TNR: variants seen among roughly 807,000 people sequenced by gnomAD.
TNR encodes tenascin-R.
Under a neutral mutation model 150.4 loss-of-function variants are expected in TNR, and 45 were observed. The observed-to-expected ratio is 0.30, with a 90% CI of 0.24 to 0.38. The LOEUF (loss-of-function observed/expected upper bound fraction) is 0.38. Ranked by LOEUF, TNR falls within the 10% of genes least tolerant of loss-of-function variation. The probability of loss-of-function intolerance (pLI) is 1.00; values close to 1 mark genes in which losing one functional copy is unlikely to be tolerated. For synonymous variants in TNR, 687 were observed against 678.4 expected (o/e 1.01, Z -0.20); for missense variants, 1,544 against 1,759.1 (o/e 0.88, Z 2.19).
intron 5 of TNR, among the ~76,000 whole-genome samples, chr1:175,396,182 A>C (rs1653417546): frequency 6.6e-6 from 1 of 152,202 alleles, no homozygotes; most frequent in African/African-American, 2.4e-5. Context: ...TAGAGGTCCT[A>C]GTTCATATCT....
rs537176473 is a variant in TNR at position 175,357,957 on chromosome 1, C to T, written c.2975-1495G>A. 9.8e-5 allele frequency among the ~76,000 whole-genome samples: 15 copies of T among 152,314 alleles called. No homozygotes were observed. The East Asian group carries it at 2.1e-3, about 22-fold the overall frequency. ...TCTGTTAGAGCTGTGTGTTTAGTGT[C>T]TGTGAGCAGATGTGTCTGACTGCCT... On this transcript the variant is annotated intron_variant, in intron 15 of 22. Coordinates refer to ENST00000367674, the MANE Select transcript of TNR (RefSeq NM_003285.3).
intron 2 of TNR, among the ~76,000 whole-genome samples, chr1:175,492,647 A>G (rs1203559708): frequency 6.6e-6 from 1 of 152,126 alleles, no homozygotes; most frequent in East Asian, 1.9e-4. Context: ...TCAAAACTAT[A>G]TCTATGGATA....
chr1:175,569,082 G>A (rs1428667925), intron 1 of TNR, among the ~76,000 whole-genome samples: 1 of 152,172 alleles, frequency 6.6e-6, no homozygotes, highest in African/African-American at 2.4e-5. Context: ...AAGTGAGGAT[G>A]AGAGAAGGCA....
chr1:175,696,080 A>G (rs1470065718), intron 1 of TNR, among the ~76,000 whole-genome samples: 1 of 152,152 alleles, frequency 6.6e-6, no homozygotes. Flanking sequence ...TTGTGCTTCT[A>G]TTTAGTCTCC....
chr1:175,531,247 C>T (rs1660055469), intron 1 of TNR, among the ~76,000 whole-genome samples: 2 of 152,190 alleles, frequency 1.3e-5, no homozygotes, highest in Non-Finnish European at 1.5e-5. Context: ...TGAAGCTCAT[C>T]GTGAACCCCA....
At chr1:175,444,291 C>T (rs1051422900) in intron 2 of TNR, among the ~76,000 whole-genome samples, 1 of 152,126 alleles carries the variant, frequency 6.6e-6, no homozygotes, top group Non-Finnish European at 1.5e-5. Context: ...CTCTTGATTT[C>T]GTGACCGAGA....
At chr1:175,461,539 T>G (rs183575464) in intron 2 of TNR, among the ~76,000 whole-genome samples, 1 of 152,324 alleles carries the variant, frequency 6.6e-6, no homozygotes, top group East Asian at 1.9e-4. Context: ...CCAAGGAACT[T>G]TCCATGAAAG....
At chr1:175,567,835 C>T (rs1300869268) in intron 1 of TNR, among the ~76,000 whole-genome samples, 3 of 151,924 alleles carry the variant, frequency 2.0e-5, no homozygotes, top group Admixed American at 1.3e-4. Context: ...GTGGGATGGA[C>T]GTTCTTAATG....
At chr1:175,357,499 C>A (rs1651387101) in intron 15 of TNR, among the ~76,000 whole-genome samples, 1 of 152,174 alleles carries the variant, frequency 6.6e-6, no homozygotes, top group Non-Finnish European at 1.5e-5. Flanking sequence ...ATAAGGATAT[C>A]ATCTTTTTAA....
At chr1:175,488,016 T>G (rs1318270992) in intron 2 of TNR, among the ~76,000 whole-genome samples, 3 of 152,162 alleles carry the variant, frequency 2.0e-5, no homozygotes, top group African/African-American at 7.2e-5. Flanking sequence ...TTTTCTGGCA[T>G]GCATAAGGGT....
intron 1 of TNR, among the ~76,000 whole-genome samples, chr1:175,713,336 C>A (rs1325788513): frequency 1.3e-5 from 2 of 152,220 alleles, no homozygotes; most frequent in South Asian, 2.1e-4. Context: ...ATAAACAACA[C>A]TCTTGCCCCT....
chr1:175,678,174 T>C (rs1665920176), intron 1 of TNR, among the ~76,000 whole-genome samples: 1 of 152,232 alleles, frequency 6.6e-6, no homozygotes. Flanking sequence ...TCAGCCATCC[T>C]AGAAACAGCA....
chr1:175,527,217 C>T (rs150213332), intron 2 of TNR, among the ~76,000 whole-genome samples: 29 of 152,294 alleles, frequency 1.9e-4, no homozygotes, highest in African/African-American at 7.0e-4. Flanking sequence ...TTAACCAATT[C>T]TCCCTTAAGT....
chr1:175,397,925 T>C (rs749317453), intron 4 of TNR, among the ~76,000 whole-genome samples: 2 of 152,228 alleles, frequency 1.3e-5, no homozygotes, highest in African/African-American at 4.8e-5. Context: ...GACCTGCCCA[T>C]AGATTAAATC....
At position 175,379,552 on chromosome 1, in the gene TNR, C is replaced by T. The variant is rs1176098520; in HGVS notation, c.1963G>A (p.Asp655Asn). ...IGPTTRATLTDLVPGTEYGVG... is the reference protein window; with the variant it reads ...IGPTTRATLTNLVPGTEYGVG... ...ACCCCAAGAGATAGGTCTTACTCAC[C>T]TGTCAGGGTGGCCCTGGTGGTTGGA... The change falls in exon 9 of 23, where the codon GAT (aspartate) becomes AAT (asparagine). Residue 655 changes from aspartate to asparagine, a missense_variant and splice_region_variant. Physicochemically the swap from Asp to Asn is conservative, Grantham distance 23 (BLOSUM62 1). Around this residue, in one of 2 missense-constraint regions of TNR, gnomAD observed 1,254 missense variants for 1,329.4 expected, o/e 0.94. Coordinates refer to ENST00000367674, the MANE Select transcript of TNR (RefSeq NM_003285.3). 2 of 1,612,536 alleles carry T rather than the reference C, an allele frequency of 1.2e-6. No individual in the cohort carries two copies.
At chr1:175,391,913 C>T (rs1243091020) in intron 6 of TNR, among the ~76,000 whole-genome samples, 1 of 152,194 alleles carries the variant, frequency 6.6e-6, no homozygotes, top group Non-Finnish European at 1.5e-5. Context: ...TAAGACATTG[C>T]TATGAGATAA....
At chr1:175,513,096 G>GAT (rs1236941734) in intron 2 of TNR, among the ~76,000 whole-genome samples, 1 of 152,186 alleles carries the variant, frequency 6.6e-6, no homozygotes, top group Non-Finnish European at 1.5e-5. Flanking sequence ...AAGTTCTTAG[G>GAT]ATGTTCTGTT....
chr1:175,329,577 A>C (rs556646251), intron 21 of TNR, among the ~76,000 whole-genome samples: 180 of 152,316 alleles, frequency 1.2e-3, no homozygotes, highest in African/African-American at 4.2e-3. Flanking sequence ...GTGGGGTGTT[A>C]GGGGCATCTC....
chr1:175,689,110 C>T (rs1282070400), intron 1 of TNR, among the ~76,000 whole-genome samples: 4 of 152,208 alleles, frequency 2.6e-5, no homozygotes, highest in Admixed American at 1.3e-4. Flanking sequence ...TGTAGGACCA[C>T]GTCGGAAACC....
Sources: allele counts gnomAD v4.1 joint callset (sites outside exome capture counted in the v4.1 genomes callset), GRCh38; gene constraint gnomAD v4.1.1; regional missense constraint gnomAD v4.1.1; transcripts MANE v1.5; gene names NCBI Gene and HGNC (gene_info 2026-07-23, HGNC 2026-07-21).